The following CRMP1 variants were observed in gnomAD, a reference collection of about 807,000 sequenced individuals.
The protein encoded by CRMP1 is dihydropyrimidinase-related protein 1.
A neutral mutation model predicts 68.3 loss-of-function variants in CRMP1; 19 were observed. The ratio of observed to expected loss-of-function variants is 0.28; its 90% CI spans 0.19 to 0.41. The LOEUF (loss-of-function observed/expected upper bound fraction) is 0.41. Among genes scored for constraint, CRMP1 ranks in the 10% least tolerant of loss-of-function variants. The probability of loss-of-function intolerance (pLI) is 1.00; values close to 1 mark genes in which losing one functional copy is unlikely to be tolerated. For missense variants in CRMP1, 791 were observed against 967.4 expected (o/e 0.82, Z 2.42); for synonymous variants, 439 against 399.6 (o/e 1.10, Z -1.18).
intron 1 of CRMP1, among the ~76,000 whole-genome samples, chr4:5,878,800 C>T (rs1715028188): frequency 6.6e-6 from 1 of 151,754 alleles, no homozygotes. Flanking sequence ...CGCACAGTGC[C>T]TTATTTTTTT....
chr4:5,825,249 CCTCT>C lies in CRMP1; in HGVS notation c.1969+241_1969+244del, dbSNP rs1025285120. ...GATGAGCACTGGGACAATTTTGGTACCTCTCTTTGTAAACCCACATCAGGTACCA... is the reference window on the plus strand; with the variant it reads ...GATGAGCACTGGGACAATTTTGGTACCTTTGTAAACCCACATCAGGTACCA... On this transcript the variant is annotated intron_variant, in intron 13 of 13. Coordinates refer to ENST00000324989, the MANE Select transcript of CRMP1 (RefSeq NM_001014809.3). This position sits in a 1 kb window ranked among gnomAD's most constrained non-coding sequence, Gnocchi z 4.4. 1.0e-6 allele frequency: 1 copy of C among 985,208 alleles called. No individual in the cohort carries two copies. Among genetic ancestry groups the C allele is most frequent in the Non-Finnish European group, 1.2e-6 (1 of 829,922 alleles). The allele number at this position is 985,208 out of a possible 1,614,324, so 61.0% of individuals were successfully genotyped here.
Position 5,856,161 on chromosome 4 carries a change from C to A in CRMP1, c.802G>T (p.Val268Leu). 2 of 1,613,996 alleles carry A rather than the reference C, an allele frequency of 1.2e-6. No individual in the cohort carries two copies. Among genetic ancestry groups the A allele is most frequent in the Non-Finnish European group, 1.7e-6 (2 of 1,179,904 alleles). ...AACTGACCTTTGTCCTGCACCAGCA[C>A]CTCCAGCTCCTCCCGAACGCCATCG... ...WYDGVREELE[V>L]LVQDKGVNSF... Residue 268 changes from valine to leucine, a missense_variant, in exon 4 of 14, where the codon GTG becomes TTG. Coordinates refer to ENST00000324989, the MANE Select transcript of CRMP1 (RefSeq NM_001014809.3).
chr4:5,885,697 G>A (rs1056777856), intron 1 of CRMP1, among the ~76,000 whole-genome samples: 1 of 152,202 alleles, frequency 6.6e-6, no homozygotes, highest in Non-Finnish European at 1.5e-5. Flanking sequence ...CTTCCGCCCC[G>A]CCGTATGATA....
In CRMP1 at chr4:5,872,221, C is replaced by T. The variant is rs189381808; in HGVS notation, c.382-5465G>A. On this transcript the variant is annotated intron_variant, in intron 1 of 13. Transcript: ENST00000324989. The surrounding 1 kb of genome is among the most constrained non-coding windows in gnomAD (Gnocchi z 4.6). ...ATGCAGGAAATATGAGTGCACAGAA[C>T]TGTATACTAAAAAAGTAAATGTTAC... Among the ~76,000 whole-genome samples, 105 of 152,014 alleles carry T rather than the reference C, an allele frequency of 6.9e-4. No individual in the cohort carries two copies. The highest frequency in any genetic ancestry group is 2.5e-3 in the African/African-American group (103 of 41,478).
Position 5,866,025 on chromosome 4 carries a change from G to C in CRMP1, c.470+643C>G, listed in dbSNP as rs1169628307. Among the ~76,000 whole-genome samples the C allele has an allele frequency of 6.6e-6, 1 of 152,176 alleles. No individual in the cohort carries two copies. The highest frequency in any genetic ancestry group is 1.5e-5 in the Non-Finnish European group (1 of 68,038). On this transcript the variant is annotated intron_variant, in intron 2 of 13. Coordinates refer to ENST00000324989, the MANE Select transcript of CRMP1 (RefSeq NM_001014809.3). This position sits in a 1 kb window ranked among gnomAD's most constrained non-coding sequence, Gnocchi z 5.9. ...GGACTTCCAGCCTCCAGAACTATGA[G>C]AAATAAACTTCTGCTGTTTAAGCCA...
Position 5,839,592 on chromosome 4 carries a change from C to T in CRMP1, c.1240G>A (p.Ala414Thr), listed in dbSNP as rs746725914. The T allele has an allele frequency of 1.9e-6, 3 of 1,612,694 alleles. No homozygotes were observed. Among genetic ancestry groups the T allele is most frequent in the Admixed American group, 1.7e-5 (1 of 59,844 alleles). ...YWSKNWAKAA[A>T]FVTSPPLSPD... Reference sequence around the variant, plus strand: ...CTCAGGGGAGGGGAAGTCACGAACGCCGCAGCCTTGGCCCAGTTCTTGCTC... The same window carrying T: ...CTCAGGGGAGGGGAAGTCACGAACGTCGCAGCCTTGGCCCAGTTCTTGCTC... Residue 414 changes from alanine to threonine, a missense_variant, in exon 9 of 14, where the codon GCG becomes ACG. Physicochemically the swap from Ala to Thr is moderately conservative, Grantham distance 58. Transcript: ENST00000324989.
intron 2 of CRMP1, among the ~76,000 whole-genome samples, chr4:5,864,202 G>A (rs1159090045): frequency 6.6e-6 from 1 of 152,126 alleles, no homozygotes; most frequent in East Asian, 1.9e-4. Context: ...AGGGGGCCTG[G>A]CCCAGGAAGG....
At chr4:5,833,244 G>C (rs1051032800) in intron 11 of CRMP1, among the ~76,000 whole-genome samples, 1 of 79,134 alleles carries the variant, frequency 1.3e-5, no homozygotes, top group African/African-American at 5.7e-5. Context: ...TCGGCTCACC[G>C]CAAGCTCCGC....
rs2152478239 is a variant in CRMP1, at chr4:5,891,759, C to T, written c.381+830G>A. 6.6e-6 allele frequency among the ~76,000 whole-genome samples: 1 copy of T among 152,350 alleles called. No individual in the cohort carries two copies. The highest frequency in any genetic ancestry group is 1.5e-5 in the Non-Finnish European group (1 of 68,036). ...CCAAAGGCTACGCCGTCCATCCGCC[C>T]TTCTTCCCCCAGTTTCCTGGTGACC... On this transcript the variant is annotated intron_variant, in intron 1 of 13. Transcript: ENST00000324989. The surrounding 1 kb of genome is among the most constrained non-coding windows in gnomAD (Gnocchi z 5.2).
intron 2 of CRMP1, among the ~76,000 whole-genome samples, chr4:5,863,741 C>T (rs566520720): frequency 3.3e-5 from 5 of 152,184 alleles, no homozygotes; most frequent in African/African-American, 9.6e-5. Context: ...AACAGCTGAA[C>T]GGCTCTTAAG....
rs1715966548 is a variant in CRMP1, at chr4:5,891,875, G to A, written c.381+714C>T. ...CCCCATGCTCAGGTCCGGGAGGCCA[G>A]AGACCCCAGTTCAAATCCCAGCTCT... On this transcript the variant is annotated intron_variant, in intron 1 of 13. Transcript: ENST00000324989. This position sits in a 1 kb window ranked among gnomAD's most constrained non-coding sequence, Gnocchi z 5.2. Among the ~76,000 whole-genome samples, 1 of 152,180 alleles carries A rather than the reference G, an allele frequency of 6.6e-6. No individual in the cohort carries two copies. Among genetic ancestry groups the A allele is most frequent in the African/African-American group, 2.4e-5 (1 of 41,432 alleles).
At chr4:5,827,671 CACACGTGCATGCATGT>C (rs1287530350) in intron 12 of CRMP1, among the ~76,000 whole-genome samples, 3 of 151,892 alleles carry the variant, frequency 2.0e-5, no homozygotes, top group African/African-American at 7.3e-5. Context: ...TGCACACATA[CACACGTGCATGCATGT>C]ACACATGCAC....
At chr4:5,823,664 G>C (rs1349554610) in intron 13 of CRMP1, among the ~76,000 whole-genome samples, 1 of 152,166 alleles carries the variant, frequency 6.6e-6, no homozygotes, top group Non-Finnish European at 1.5e-5. Context: ...TTCTTCCTCT[G>C]TTGCCATGTG....
chr4:5,826,326 A>T (rs886450346), intron 12 of CRMP1: 1 of 152,722 alleles, frequency 6.5e-6, no homozygotes, highest in Non-Finnish European at 1.5e-5. Context: ...GGGGGCAGAT[A>T]GTTTGTTGGG....
At position 5,871,165 on chromosome 4, in the gene CRMP1, A is replaced by C. The variant is rs144571086; in HGVS notation, c.382-4409T>G. 7.9e-4 allele frequency among the ~76,000 whole-genome samples: 121 copies of C among 152,336 alleles called. 1 individual carries two copies. Among genetic ancestry groups the C allele is most frequent in the African/African-American group, 2.8e-3 (118 of 41,576 alleles). On this transcript the variant is annotated intron_variant, in intron 1 of 13. Transcript: ENST00000324989. ...AGGCTCCAAGCCCTTAGTGTCTCTC[A>C]GGTGCTGGTCTACTTCTGAAAAAAT... is the stretch of plus-strand genomic sequence containing the variant.
chr4:5,838,155 C>A lies in CRMP1; in HGVS notation c.1311-1249G>T, dbSNP rs1345109266. Among the ~76,000 whole-genome samples, 3 of 152,058 alleles carry A rather than the reference C, an allele frequency of 2.0e-5. No homozygotes were observed. Among genetic ancestry groups the A allele is most frequent in the Admixed American group, 2.0e-4 (3 of 15,280 alleles). On this transcript the variant is annotated intron_variant, in intron 9 of 13. Transcript: ENST00000324989. The surrounding 1 kb of genome is among the most constrained non-coding windows in gnomAD (Gnocchi z 4.9). ...GGAAGTCACAGAGCAAACCATGTGG[C>A]GTCTAAGAAAGAGGGAACTAGCCAG...
Position 5,853,568 on chromosome 4 carries a change from T to A in CRMP1, c.821-2099A>T, listed in dbSNP as rs961624582. 5.9e-5 allele frequency among the ~76,000 whole-genome samples: 9 copies of A among 152,208 alleles called. No homozygotes were observed. Among genetic ancestry groups the A allele is most frequent in the Non-Finnish European group, 1.0e-4 (7 of 68,036 alleles). On this transcript the variant is annotated intron_variant, in intron 4 of 13. Coordinates refer to ENST00000324989, the MANE Select transcript of CRMP1 (RefSeq NM_001014809.3). This position sits in a 1 kb window ranked among gnomAD's most constrained non-coding sequence, Gnocchi z 4.7. Reference sequence around the variant, plus strand: ...CAAAACTAAGAACTGAATTACCATATGCTTCAGCAGTCCCACTACCGGCTG... The same window carrying A: ...CAAAACTAAGAACTGAATTACCATAAGCTTCAGCAGTCCCACTACCGGCTG...
At chr4:5,862,256 A>G (rs940382871) in intron 2 of CRMP1, among the ~76,000 whole-genome samples, 1 of 152,046 alleles carries the variant, frequency 6.6e-6, no homozygotes, top group Non-Finnish European at 1.5e-5. Flanking sequence ...CGCTGCTTAT[A>G]CTAACCGATC....
At position 5,891,294 on chromosome 4, in the gene CRMP1, G is replaced by C. The variant is rs1006239744; in HGVS notation, c.381+1295C>G. Reference sequence around the variant, plus strand: ...CTGGAGCAACAGCCCGCCCGCGAAGGGATGGGGCCCGAAGAGGCCCACCAC... The same window carrying C: ...CTGGAGCAACAGCCCGCCCGCGAAGCGATGGGGCCCGAAGAGGCCCACCAC... On this transcript the variant is annotated intron_variant, in intron 1 of 13. Transcript: ENST00000324989. This position sits in a 1 kb window ranked among gnomAD's most constrained non-coding sequence, Gnocchi z 5.2. Among the ~76,000 whole-genome samples, 1 of 151,774 alleles carries C rather than the reference G, an allele frequency of 6.6e-6. No individual in the cohort carries two copies. Among genetic ancestry groups the C allele is most frequent in the Non-Finnish European group, 1.5e-5 (1 of 67,978 alleles).
Sources: allele counts gnomAD v4.1 joint callset (sites outside exome capture counted in the v4.1 genomes callset), GRCh38; gene constraint gnomAD v4.1.1; non-coding constraint Gnocchi (gnomAD v3.1); transcripts MANE v1.5; gene names NCBI Gene and HGNC (gene_info 2026-07-23, HGNC 2026-07-21).